The following VPS13B variants were observed in gnomAD, a reference collection of about 807,000 sequenced individuals.
VPS13B encodes the protein intermembrane lipid transfer protein VPS13B.
Under a neutral mutation model 426.4 loss-of-function variants are expected in VPS13B, and 285 were observed. That is an observed-to-expected ratio of 0.67 (90% confidence interval 0.61 to 0.74). The LOEUF (loss-of-function observed/expected upper bound fraction) is 0.74, where lower values mean the gene tolerates loss of function less well. VPS13B is among the 30% of genes least tolerant of loss of function. The pLI, the probability that VPS13B is intolerant of heterozygous loss-of-function variation, is 0.00. For missense variants in VPS13B, 4,537 were observed against 4,782.6 expected (o/e 0.95, Z 1.51); for synonymous variants, 1,676 against 1,676.4 (o/e 1.00, Z 0.01).
At chr8:99,150,892 A>T (rs1222197277) in intron 14 of VPS13B, among the ~76,000 whole-genome samples, 3 of 152,180 alleles carry the variant, frequency 2.0e-5, no homozygotes, top group Non-Finnish European at 4.4e-5. Flanking sequence ...CCTTTGGGTA[A>T]ATACCAAGGA....
chr8:99,173,127 C>G (rs993870307), intron 16 of VPS13B, among the ~76,000 whole-genome samples: 1 of 152,020 alleles, frequency 6.6e-6, no homozygotes, highest in Non-Finnish European at 1.5e-5. Context: ...TAGCACAGTG[C>G]CAATTGTTGA....
intron 34 of VPS13B, among the ~76,000 whole-genome samples, chr8:99,654,877 T>A (rs539045609): frequency 6.7e-6 from 1 of 149,920 alleles, no homozygotes; most frequent in Admixed American, 6.6e-5. Flanking sequence ...AAAAAAACTG[T>A]CTAGGAACAA....
chr8:99,286,948 C>T lies in VPS13B; in HGVS notation c.2824+11694C>T, dbSNP rs555753608. On this transcript the variant is annotated intron_variant, in intron 19 of 61. Coordinates refer to ENST00000357162, the MANE Select transcript of VPS13B (RefSeq NM_152564.5). ...ATAATTCTGGGATAATTCTGTTGAC[C>T]TTAACTTGAGTTTTACTTTTCAAAT... Among the ~76,000 whole-genome samples, 20 of 152,192 alleles carry T rather than the reference C, an allele frequency of 1.3e-4. No individual in the cohort carries two copies. The East Asian group carries it at 3.7e-3, about 28-fold the overall frequency.
chr8:99,765,218 C>G (rs1008489747), intron 39 of VPS13B, among the ~76,000 whole-genome samples: 2 of 152,178 alleles, frequency 1.3e-5, no homozygotes, highest in African/African-American at 4.8e-5. Flanking sequence ...TCACTCCAGC[C>G]TGGGTGAAAA....
chr8:99,249,910 T>TG (rs1183705459), intron 17 of VPS13B, among the ~76,000 whole-genome samples: 1 of 151,524 alleles, frequency 6.6e-6, no homozygotes, highest in East Asian at 1.9e-4. Context: ...CCATGTCTCT[T>TG]GCGGTTGGGG....
chr8:99,845,543 TA>T (rs901983463), intron 54 of VPS13B, among the ~76,000 whole-genome samples: 2 of 152,046 alleles, frequency 1.3e-5, no homozygotes, highest in Admixed American at 1.3e-4. Flanking sequence ...CTGTCCTCCT[TA>T]AGGAGGCTAG....
chr8:99,326,891 A>G (rs1354184097), intron 19 of VPS13B, among the ~76,000 whole-genome samples: 2 of 152,164 alleles, frequency 1.3e-5, no homozygotes, highest in East Asian at 1.9e-4. Context: ...CTGGCATTCA[A>G]TCTCAGACAC....
intron 36 of VPS13B, among the ~76,000 whole-genome samples, chr8:99,714,517 T>C (rs992837263): frequency 6.6e-6 from 1 of 152,166 alleles, no homozygotes; most frequent in Non-Finnish European, 1.5e-5. Flanking sequence ...AATCTCCAAG[T>C]GTCTCCCCAC....
intron 33 of VPS13B, among the ~76,000 whole-genome samples, chr8:99,626,944 A>AAG (rs60474281): frequency 0.19 from 29,113 of 152,160 alleles, 3,351 homozygotes; most frequent in East Asian, 0.45. Context: ...CAGCCTTAAA[A>AAG]AGGGGAAAAT....
Position 99,258,652 on chromosome 8 carries a change from G to A in VPS13B, c.2516-15546G>A, listed in dbSNP as rs530203589. ...TAACTACTTCATGTAATTAATTAGC[G>A]TAAGTTTTCTTTGCCTCTAAAAATG... On this transcript the variant is annotated intron_variant, in intron 17 of 61. Coordinates refer to ENST00000357162, the MANE Select transcript of VPS13B (RefSeq NM_152564.5). 2.8e-4 allele frequency among the ~76,000 whole-genome samples: 43 copies of A among 151,948 alleles called. 1 individual carries two copies. Among genetic ancestry groups the A allele is most frequent in the Admixed American group, 2.4e-3 (37 of 15,236 alleles).
intron 4 of VPS13B, among the ~76,000 whole-genome samples, chr8:99,099,088 G>GT (rs1212638612): frequency 2.6e-5 from 4 of 151,666 alleles, no homozygotes; most frequent in African/African-American, 4.8e-5. Context: ...ACTCACATCG[G>GT]TTTTTTTAGC....
chr8:99,743,582 G>C (rs1386857776), intron 39 of VPS13B, among the ~76,000 whole-genome samples: 1 of 152,096 alleles, frequency 6.6e-6, no homozygotes, highest in African/African-American at 2.4e-5. Context: ...ATACTACAAG[G>C]CTACAGTAAC....
At chr8:99,461,308 G>T (rs1818820707) in intron 23 of VPS13B, among the ~76,000 whole-genome samples, 1 of 152,036 alleles carries the variant, frequency 6.6e-6, no homozygotes, top group Non-Finnish European at 1.5e-5. Context: ...CTGTGAGTGT[G>T]GTAGACAGTT....
At position 99,400,304 on chromosome 8, in the gene VPS13B, C is replaced by T. The variant is rs564954550; in HGVS notation, c.3082+8600C>T. Reference sequence around the variant, plus strand: ...GGAAATAAGAACCCCCATCCCCACCCCAAAACATGGTTTCTTGGTTTCCTT... The same window carrying T: ...GGAAATAAGAACCCCCATCCCCACCTCAAAACATGGTTTCTTGGTTTCCTT... On this transcript the variant is annotated intron_variant, in intron 21 of 61. Transcript: ENST00000357162. 1.3e-4 allele frequency among the ~76,000 whole-genome samples: 20 copies of T among 152,284 alleles called. No individual in the cohort carries two copies. The East Asian group carries it at 3.5e-3, about 26-fold the overall frequency.
At chr8:99,376,560 A>G (rs1813498822) in intron 19 of VPS13B, among the ~76,000 whole-genome samples, 1 of 152,102 alleles carries the variant, frequency 6.6e-6, no homozygotes, top group African/African-American at 2.4e-5. Flanking sequence ...TTAATTTTCC[A>G]TTTGAAAATA....
chr8:99,574,483 C>T (rs899410717), intron 31 of VPS13B, among the ~76,000 whole-genome samples: 1 of 152,092 alleles, frequency 6.6e-6, no homozygotes, highest in Non-Finnish European at 1.5e-5. Flanking sequence ...CCATCAATAC[C>T]TAATTTATTG....
At chr8:99,685,658 A>G (rs1588621866) in intron 35 of VPS13B, among the ~76,000 whole-genome samples, 1 of 152,174 alleles carries the variant, frequency 6.6e-6, no homozygotes, top group African/African-American at 2.4e-5. Context: ...TCAGTATATC[A>G]GTTGCATTTT....
At chr8:99,201,840 G>T (rs536195616) in intron 17 of VPS13B, among the ~76,000 whole-genome samples, 1 of 152,104 alleles carries the variant, frequency 6.6e-6, no homozygotes, top group African/African-American at 2.4e-5. Context: ...ACTTAGGAAA[G>T]ATCACTGAAT....
intron 3 of VPS13B, chr8:99,092,013 T>C (rs1846176522): frequency 6.6e-6 from 1 of 152,196 alleles, no homozygotes. Flanking sequence ...AATGATGTAG[T>C]CACTTGTTTT....
Sources: allele counts gnomAD v4.1 joint callset (sites outside exome capture counted in the v4.1 genomes callset), GRCh38; gene constraint gnomAD v4.1.1; transcripts MANE v1.5; gene names NCBI Gene and HGNC (gene_info 2026-07-23, HGNC 2026-07-21).